KCND3: variants seen among roughly 807,000 people sequenced by gnomAD.
KCND3 encodes potassium voltage-gated channel subfamily D member 3.
Under a neutral mutation model 51.1 loss-of-function variants are expected in KCND3, and 9 were observed. The observed-to-expected ratio is 0.18, with a 90% confidence interval of 0.11 to 0.31. The LOEUF is 0.31. Among genes scored for constraint, KCND3 ranks in the 10% least tolerant of loss-of-function variants. The pLI is 1.00. For synonymous variants in KCND3, 349 were observed against 368.0 expected, an observed-to-expected ratio of 0.95 and a Z score of 0.59; for missense variants, 526 against 903.8, an observed-to-expected ratio of 0.58 and a Z score of 5.36.
chr1:111,937,713 C>T (rs1672290425), intron 2 of KCND3, among the ~76,000 whole-genome samples: 1 of 152,140 alleles, frequency 6.6e-6, no homozygotes, highest in African/African-American at 2.4e-5. Flanking sequence ...TCTCCATTCC[C>T]AGGAATGGCC....
chr1:111,965,440 A>C (rs1035881446), intron 2 of KCND3, among the ~76,000 whole-genome samples: 1 of 103,544 alleles, frequency 9.7e-6, no homozygotes, highest in East Asian at 2.3e-4. Context: ...CAGCAAAACC[A>C]CACACACACA....
chr1:111,945,268 A>T (rs1337851688), intron 2 of KCND3, among the ~76,000 whole-genome samples: 1 of 152,204 alleles, frequency 6.6e-6, no homozygotes, highest in Non-Finnish European at 1.5e-5. Flanking sequence ...CCCAGGTGGC[A>T]ACTTCATGTG....
chr1:111,784,010 C>A (rs570570814), intron 3 of KCND3, among the ~76,000 whole-genome samples: 7 of 151,850 alleles, frequency 4.6e-5, no homozygotes, highest in Non-Finnish European at 1.0e-4. Context: ...AGGGCTAGGG[C>A]AGAAGGTGGG....
At chr1:111,849,313 G>A (rs1184159201) in intron 2 of KCND3, among the ~76,000 whole-genome samples, 1 of 152,254 alleles carries the variant, frequency 6.6e-6, no homozygotes, top group African/African-American at 2.4e-5. Flanking sequence ...CTGTGCCACA[G>A]CACCCAGAAA....
chr1:111,775,996 G>A lies in KCND3; in HGVS notation c.*81C>T. 5.8e-6 allele frequency: 8 copies of A among 1,374,134 alleles called. No individual in the cohort carries two copies. Among genetic ancestry groups the A allele is most frequent in the Non-Finnish European group, 8.3e-6 (8 of 963,130 alleles). 85.1% of individuals were successfully genotyped at this position (1,374,134 alleles called of 1,614,324 possible). ...CAGAAATAGTGGGGAAAGGGGGGAG[G>A]GAGTGGTCTCAGTGACCACCCACCA... On this transcript the variant is annotated 3_prime_UTR_variant, in exon 8 of 8. Transcript: ENST00000302127.
intron 2 of KCND3, among the ~76,000 whole-genome samples, chr1:111,787,385 G>A (rs375209468): frequency 4.6e-5 from 7 of 152,186 alleles, no homozygotes; most frequent in Non-Finnish European, 7.3e-5. Context: ...CTAGAGAGAG[G>A]TGCTGCATCA....
At chr1:111,777,981 G>C (rs1003941013) in intron 6 of KCND3, among the ~76,000 whole-genome samples, 3 of 152,200 alleles carry the variant, frequency 2.0e-5, no homozygotes, top group African/African-American at 7.2e-5. Context: ...ACTAAAAAAT[G>C]GCTGTTTGGC....
At chr1:111,936,398 G>A (rs1232720634) in intron 2 of KCND3, among the ~76,000 whole-genome samples, 2 of 152,178 alleles carry the variant, frequency 1.3e-5, no homozygotes, top group African/African-American at 2.4e-5. Flanking sequence ...CAGAAACAGA[G>A]GACCAGGTGG....
At chr1:111,941,308 T>C (rs924962437) in intron 2 of KCND3, among the ~76,000 whole-genome samples, 2 of 152,118 alleles carry the variant, frequency 1.3e-5, no homozygotes, top group Non-Finnish European at 2.9e-5. Context: ...CTTCTGCTGG[T>C]GGGACCCCCT....
chr1:111,898,035 A>G (rs1447269827), intron 2 of KCND3, among the ~76,000 whole-genome samples: 4 of 152,076 alleles, frequency 2.6e-5, no homozygotes, highest in African/African-American at 7.2e-5. Flanking sequence ...GCACCCCACA[A>G]AACTGGACTG....
chr1:111,811,233 G>A (rs1047931134), intron 2 of KCND3, among the ~76,000 whole-genome samples: 1 of 152,168 alleles, frequency 6.6e-6, no homozygotes, highest in African/African-American at 2.4e-5. Flanking sequence ...GAAGAAGAGA[G>A]GATCAGTGCT....
intron 2 of KCND3, among the ~76,000 whole-genome samples, chr1:111,884,451 C>T (rs1669477731): frequency 6.6e-6 from 1 of 152,190 alleles, no homozygotes; most frequent in South Asian, 2.1e-4. Flanking sequence ...GGGTTCTGTG[C>T]CATTCCTGAC....
chr1:111,779,188 G>GA, intron 5 of KCND3, among the ~76,000 whole-genome samples: 1 of 152,162 alleles, frequency 6.6e-6, no homozygotes, highest in Non-Finnish European at 1.5e-5. Context: ...AGCCAGGCAT[G>GA]GTGGTCTGTA....
At chr1:111,954,271 T>C (rs1673211145) in intron 2 of KCND3, among the ~76,000 whole-genome samples, 1 of 152,198 alleles carries the variant, frequency 6.6e-6, no homozygotes, top group South Asian at 2.1e-4. Context: ...CTGCTTCCTG[T>C]TGGGACCCTT....
intron 2 of KCND3, among the ~76,000 whole-genome samples, chr1:111,848,806 G>A (rs899809015): frequency 4.6e-5 from 7 of 152,220 alleles, no homozygotes; most frequent in African/African-American, 1.7e-4. Flanking sequence ...TGGAGATGAC[G>A]TGAGGTGGGC....
chr1:111,780,098 C>A lies in KCND3; in HGVS notation c.1461+127G>T. ...CTTCCACCTGAGGGCCAGTAGATCC[C>A]ATCACTACCTTTTGGATCTGAAGGG... On this transcript the variant is annotated intron_variant, in intron 5 of 7. Transcript: ENST00000302127. This position sits in a 1 kb window ranked among gnomAD's most constrained non-coding sequence, Gnocchi z 4.2. 9.6e-7 allele frequency: 1 copy of A among 1,043,712 alleles called. No homozygotes were observed. The highest frequency in any genetic ancestry group is 2.0e-5 in the Admixed American group (1 of 50,252). 64.7% of individuals were successfully genotyped at this position (1,043,712 alleles called of 1,614,324 possible).
At chr1:111,803,746 G>A (rs1460543454) in intron 2 of KCND3, among the ~76,000 whole-genome samples, 1 of 152,122 alleles carries the variant, frequency 6.6e-6, no homozygotes, top group Non-Finnish European at 1.5e-5. Flanking sequence ...AGGTGGGTGG[G>A]TGCATGGGCT....
chr1:111,984,277 CCCTCA>C (rs1476961017), intron 1 of KCND3, among the ~76,000 whole-genome samples: 1 of 152,196 alleles, frequency 6.6e-6, no homozygotes, highest in Non-Finnish European at 1.5e-5. Context: ...ATCTCTACCT[CCCTCA>C]AACTCCTGAG....
chr1:111,894,736 T>C (rs1269723115), intron 2 of KCND3, among the ~76,000 whole-genome samples: 1 of 152,160 alleles, frequency 6.6e-6, no homozygotes, highest in Non-Finnish European at 1.5e-5. Context: ...CCCAAGTGTG[T>C]AGAGAAGGGG....
Sources: allele counts gnomAD v4.1 joint callset (sites outside exome capture counted in the v4.1 genomes callset), GRCh38; gene constraint gnomAD v4.1.1; non-coding constraint Gnocchi (gnomAD v3.1); transcripts MANE v1.5; gene names NCBI Gene and HGNC (gene_info 2026-07-23, HGNC 2026-07-21).